TMC5: variants seen among roughly 807,000 people sequenced by gnomAD.
TMC5 encodes transmembrane channel-like protein 5.
In TMC5, 86 loss-of-function variants were observed where a neutral mutation model predicts 110.5. That is an observed-to-expected ratio of 0.78 (90% CI 0.65 to 0.93). The LOEUF is 0.93. Among genes scored for constraint, TMC5 ranks in the 40% least tolerant of loss-of-function variants. The pLI, the probability that TMC5 is intolerant of heterozygous loss-of-function variation, is 0.00. For missense variants in TMC5, 1,144 were observed against 1,222.8 expected, an observed-to-expected ratio of 0.94 and a Z score of 0.96; for synonymous variants, 455 against 439.5, an observed-to-expected ratio of 1.04 and a Z score of -0.44.
chr16:19,469,698 G>A lies in TMC5; in HGVS notation c.1655G>A (p.Arg552Gln), dbSNP rs753207644. The A allele has an allele frequency of 1.2e-5, 19 of 1,613,964 alleles. No homozygotes were observed. The highest frequency in any genetic ancestry group is 1.5e-5 in the Non-Finnish European group (18 of 1,179,918). ...TTCTCTAGCATGGCCAAGTATTTCC[G>A]GAACAACTTCATTAATCCCCACATT... is the stretch of plus-strand genomic sequence containing the variant. Reference protein sequence around the residue: ...SLLFSMAKYFRNNFINPHIYS... With the variant: ...SLLFSMAKYFQNNFINPHIYS... The change falls in exon 10 of 22, where the codon CGG (arginine) becomes CAG (glutamine). Residue 552 changes from arginine to glutamine, a missense_variant. Coordinates refer to ENST00000542583, the MANE Select transcript of TMC5 (RefSeq NM_001261841.2).
At chr16:19,497,186 AATAAG>A (rs768223075) in intron 21 of TMC5, 23 bp downstream of exon 21, 9 of 1,604,946 alleles carry the variant, frequency 5.6e-6, no homozygotes, top group Non-Finnish European at 6.8e-6. Context: ...ACTGGGACAG[AATAAG>A]ACACTAATTT....
intron 14 of TMC5, among the ~76,000 whole-genome samples, 167 bp from the exon 15 acceptor site, chr16:19,481,203 C>A (rs980023054): frequency 7.9e-5 from 12 of 152,172 alleles, no homozygotes; most frequent in Admixed American, 7.9e-4. Flanking sequence ...TCAATTACTT[C>A]TTCAAAAACA....
intron 11 of TMC5, among the ~76,000 whole-genome samples, chr16:19,472,512 T>A (rs1968369892): frequency 1.3e-5 from 2 of 151,896 alleles, no homozygotes; most frequent in South Asian, 4.2e-4. Context: ...GCTAAAAAAA[T>A]TTTAAAAATT....
In TMC5 at chr16:19,440,508, G is replaced by T; in HGVS notation, c.470G>T (p.Gly157Val). ...TCCAGAACACATCCAGATCATTTTG[G>T]CTCCTTAGAACCGGACTACCCTGGA... is the stretch of plus-strand genomic sequence containing the variant. Reference protein sequence around the residue: ...AGSRTHPDHFGSLEPDYPGAQ... With the variant: ...AGSRTHPDHFVSLEPDYPGAQ... Residue 157 changes from glycine (G) to valine (V), a missense_variant, in exon 3 of 22, where the codon GGC (glycine) becomes GTC (valine). Transcript: ENST00000542583. The T allele has an allele frequency of 6.2e-7, 1 of 1,614,098 alleles. No individual in the cohort carries two copies. Among genetic ancestry groups the T allele is most frequent in the East Asian group, 2.2e-5 (1 of 44,876 alleles).
chr16:19,462,897 CAAA>C (rs530123989), intron 6 of TMC5, among the ~76,000 whole-genome samples: 7 of 83,798 alleles, frequency 8.4e-5, no homozygotes, highest in Non-Finnish European at 9.9e-5. Context: ...GACGCCATCT[CAAA>C]AAAAAAAAAA....
In TMC5 at chr16:19,444,068, T is replaced by G; in HGVS notation, c.789-13T>G. On this transcript the variant is annotated splice_polypyrimidine_tract_variant and intron_variant, in intron 3 of 21. Coordinates refer to ENST00000542583, the MANE Select transcript of TMC5 (RefSeq NM_001261841.2). ...CTCTTGGTTGGATAGTGATCCATCATTTTGGATTTTAGGGTGCTCAGCAGA... is the reference window on the plus strand; with the variant it reads ...CTCTTGGTTGGATAGTGATCCATCAGTTTGGATTTTAGGGTGCTCAGCAGA... 2 of 1,611,060 alleles carry G rather than the reference T, an allele frequency of 1.2e-6. No individual in the cohort carries two copies. Among genetic ancestry groups the G allele is most frequent in the African/African-American group, 1.3e-5 (1 of 74,954 alleles).
At chr16:19,426,355 G>A (rs1201176003) in intron 1 of TMC5, among the ~76,000 whole-genome samples, 2 of 152,210 alleles carry the variant, frequency 1.3e-5, no homozygotes, top group Non-Finnish European at 2.9e-5. Context: ...CCCAGACCCG[G>A]TGGTAGAGAA....
In TMC5 at chr16:19,472,255, C is replaced by G. The variant is rs765630683; in HGVS notation, c.1938+12C>G. The G allele has an allele frequency of 2.5e-6, 4 of 1,613,102 alleles. No individual in the cohort carries two copies. In the South Asian group the frequency reaches 4.4e-5, roughly 18 times the overall value. On this transcript the variant is annotated intron_variant, in intron 11 of 21. Transcript: ENST00000542583. ...AGTACAACTTAGAGGTAACCAACAC[C>G]AGGGTCCAGGGCAGAGAGAACCAGG...
chr16:19,448,533 TGCTTGAGCCTG>T (rs1967670234), intron 4 of TMC5, among the ~76,000 whole-genome samples: 1 of 151,578 alleles, frequency 6.6e-6, no homozygotes, highest in Admixed American at 6.6e-5. Flanking sequence ...ATGGAAGGAT[TGCTTGAGCCTG>T]GGAGGTCAAA....
intron 5 of TMC5, among the ~76,000 whole-genome samples, chr16:19,456,223 A>G (rs1325234687): frequency 2.0e-5 from 3 of 147,886 alleles, no homozygotes; most frequent in Non-Finnish European, 1.5e-5. Context: ...AAAAATATAT[A>G]TATACACACA....
intron 10 of TMC5, 89 bp from the exon 11 acceptor site, chr16:19,471,999 G>A: frequency 7.3e-7 from 1 of 1,361,260 alleles, no homozygotes; most frequent in South Asian, 1.3e-5. Context: ...GACCTCAAGT[G>A]ATCCACCCGC....
At chr16:19,464,131 C>A in intron 8 of TMC5, 107 bp downstream of exon 8, 1 of 1,280,836 alleles carries the variant, frequency 7.8e-7, no homozygotes, top group Non-Finnish European at 1.1e-6. Context: ...TGGGGGTCAA[C>A]TGATGGGGAA....
intron 9 of TMC5, among the ~76,000 whole-genome samples, chr16:19,467,267 T>G (rs1257864458): frequency 6.6e-6 from 1 of 152,218 alleles, no homozygotes; most frequent in Non-Finnish European, 1.5e-5. Context: ...CTCATGGTTC[T>G]GGAGGCCTGA....
At position 19,495,011 on chromosome 16, in the gene TMC5, C is replaced by CTTTTTTTTTTTTTT. The variant is rs56178955; in HGVS notation, c.2931+653_2931+666dup. 4.4e-4 allele frequency among the ~76,000 whole-genome samples: 18 copies of CTTTTTTTTTTTTTT among 40,488 alleles called. 1 individual carries two copies. Among genetic ancestry groups the CTTTTTTTTTTTTTT allele is most frequent in the African/African-American group, 1.1e-3 (12 of 10,742 alleles). The allele number at this position is 40,488 out of a possible 152,430, so 26.6% of individuals were successfully genotyped here. A position where few individuals can be genotyped will look rare whatever the true frequency, so the allele number is the denominator to read the frequency against. ...CACTATGAATACTTCAGTGTCTATT[C>CTTTTTTTTTTTTTT]TTTTTTTTTTTTTTTTTTTTTGAGA... On this transcript the variant is annotated intron_variant, in intron 20 of 21. Coordinates refer to ENST00000542583, the MANE Select transcript of TMC5 (RefSeq NM_001261841.2).
intron 6 of TMC5, among the ~76,000 whole-genome samples, chr16:19,461,860 A>T (rs1243449058): frequency 1.3e-5 from 2 of 152,358 alleles, no homozygotes; most frequent in East Asian, 3.9e-4. Context: ...TTTGTCAACA[A>T]GTAAATTACA....
upstream of TMC5, among the ~76,000 whole-genome samples, chr16:19,417,427 A>G (rs1966886202): frequency 6.6e-6 from 1 of 151,478 alleles, no homozygotes; most frequent in Non-Finnish European, 1.5e-5. Flanking sequence ...TCAAAAAAAA[A>G]AAAAAAAAAA....
chr16:19,448,698 A>AT (rs1555482027), intron 4 of TMC5, among the ~76,000 whole-genome samples: 4 of 144,302 alleles, frequency 2.8e-5, no homozygotes, highest in African/African-American at 7.6e-5. Context: ...TAGATAATAT[A>AT]TATATTTTAA....
intron 9 of TMC5, 99 bp downstream of exon 9, chr16:19,466,332 G>GTCCTCTCCTC: frequency 8.0e-7 from 1 of 1,254,846 alleles, no homozygotes; most frequent in Non-Finnish European, 1.1e-6. Flanking sequence ...TTTCTCTGCA[G>GTCCTCTCCTC]TCCTCTCCTC....
chr16:19,415,470 C>T (rs1026631367), upstream of TMC5, among the ~76,000 whole-genome samples: 14 of 152,104 alleles, frequency 9.2e-5, 1 homozygote, highest in South Asian at 1.0e-3. Flanking sequence ...AGATAGAAGC[C>T]GGACATACTG....
Sources: gnomAD v4.1 joint callset for allele counts (sites outside exome capture counted in the v4.1 genomes callset) on GRCh38, gnomAD v4.1.1 for gene constraint, MANE v1.5 for transcripts, NCBI Gene and HGNC (gene_info 2026-07-23, HGNC 2026-07-21) for gene names.